The following NFATC3 variants were observed in gnomAD, a reference collection of about 807,000 sequenced individuals.
The protein encoded by NFATC3 is nuclear factor of activated T cells 3.
In NFATC3, 46 loss-of-function variants were observed where a neutral mutation model predicts 98.6. The observed-to-expected ratio is 0.47, with a 90% CI of 0.37 to 0.60. The LOEUF (loss-of-function observed/expected upper bound fraction) is 0.60, where lower values mean the gene tolerates loss of function less well. NFATC3 is among the 20% of genes least tolerant of loss of function. The probability of loss-of-function intolerance (pLI) is 0.00; values close to 1 mark genes in which losing one functional copy is unlikely to be tolerated. For missense variants in NFATC3, 1,256 were observed against 1,295.5 expected (o/e 0.97, Z 0.47); for synonymous variants, 512 against 472.2 (o/e 1.08, Z -1.09).
chr16:68,086,834 C>A, intron 1 of NFATC3: 2 of 946,134 alleles, frequency 2.1e-6, no homozygotes, highest in Non-Finnish European at 2.5e-6. Context: ...TCTTCATATG[C>A]TAGATGTCTT....
In NFATC3 at chr16:68,174,482, A is replaced by C; in HGVS notation, c.1883A>C (p.Glu628Ala). 1.2e-6 allele frequency: 2 copies of C among 1,602,648 alleles called. No homozygotes were observed. The highest frequency in any genetic ancestry group is 2.7e-5 in the African/African-American group (2 of 74,710). Residue 628 changes from glutamate to alanine, a missense_variant, in exon 6 of 10, where the codon GAA (glutamate) becomes GCA (alanine). Glu to Ala is a moderately radical substitution (Grantham distance 107, BLOSUM62 -1). This residue lies in a region of NFATC3 where 636 missense variants were observed against 617.3 expected (regional missense o/e 1.03). Coordinates refer to ENST00000346183, the MANE Select transcript of NFATC3 (RefSeq NM_173165.3). ...MVVTGSNFLPESKIIFLEKGQ... is the reference protein window; with the variant it reads ...MVVTGSNFLPASKIIFLEKGQ... ...GTGACTGGATCTAATTTTCTTCCAG[A>C]ATCCAAAATCATTTTTCTTGAAAAA...
At chr16:68,146,308 T>C (rs1360401598) in intron 3 of NFATC3, among the ~76,000 whole-genome samples, 1 of 152,120 alleles carries the variant, frequency 6.6e-6, no homozygotes, top group Non-Finnish European at 1.5e-5. Context: ...GATGTGATTC[T>C]GTAATCCCAG....
intron 1 of NFATC3, among the ~76,000 whole-genome samples, chr16:68,102,724 G>C (rs1472174535): frequency 6.6e-6 from 1 of 152,122 alleles, no homozygotes; most frequent in African/African-American, 2.4e-5. Context: ...AAATGTAATT[G>C]CTTGTCATAT....
chr16:68,117,340 A>G (rs2036331780), intron 1 of NFATC3, among the ~76,000 whole-genome samples: 1 of 152,198 alleles, frequency 6.6e-6, no homozygotes. Flanking sequence ...CTAAATTTAT[A>G]TCAGATCATA....
chr16:68,142,652 G>T (rs527805009), intron 3 of NFATC3, among the ~76,000 whole-genome samples: 1 of 151,960 alleles, frequency 6.6e-6, no homozygotes, highest in Admixed American at 6.6e-5. Flanking sequence ...CAGCTACTTG[G>T]GAGGCTGAGG....
At chr16:68,211,770 C>T (rs2151159920) in intron 9 of NFATC3, among the ~76,000 whole-genome samples, 1 of 151,876 alleles carries the variant, frequency 6.6e-6, no homozygotes, top group East Asian at 1.9e-4. Context: ...GATCTACCCG[C>T]CTTGGCCTCC....
rs191072628 is a variant in NFATC3 at position 68,089,233 on chromosome 16, G to C, written c.103+3449G>C. ...TGGATAGAGAGTGAGGACAAGCCAA[G>C]GGCTGAATTTAGTGAATGTCCTAAG... is the stretch of plus-strand genomic sequence containing the variant. On this transcript the variant is annotated intron_variant, in intron 1 of 9. Coordinates refer to ENST00000346183, the MANE Select transcript of NFATC3 (RefSeq NM_173165.3). 5.2e-5 allele frequency: 51 copies of C among 985,416 alleles called. No homozygotes were observed. In the Admixed American group the frequency reaches 8.6e-4, roughly 17 times the overall value. The allele number at this position is 985,416 out of a possible 1,614,324, so 61.0% of individuals were successfully genotyped here. A position where few individuals can be genotyped will look rare whatever the true frequency, so the allele number is the denominator to read the frequency against.
intron 2 of NFATC3, among the ~76,000 whole-genome samples, chr16:68,123,439 T>A (rs2036654974): frequency 6.6e-6 from 1 of 150,810 alleles, no homozygotes; most frequent in Non-Finnish European, 1.5e-5. Context: ...GGCAGGAGGA[T>A]TGCTTGAGCC....
chr16:68,158,127 A>G lies in NFATC3; in HGVS notation c.1601+59A>G, dbSNP rs975785498. ...TTTTTTCTCTATACTTTCAGAAAAA[A>G]AGTAAATATATTTTTGAATATAAAT... is the stretch of plus-strand genomic sequence containing the variant. On this transcript the variant is annotated intron_variant, in intron 4 of 9. Coordinates refer to ENST00000346183, the MANE Select transcript of NFATC3 (RefSeq NM_173165.3). 57 of 1,061,204 alleles carry G rather than the reference A, an allele frequency of 5.4e-5. No homozygotes were observed. The Middle Eastern group carries it at 1.5e-3, about 28-fold the overall frequency. The allele number at this position is 1,061,204 out of a possible 1,614,324, so 65.7% of individuals were successfully genotyped here. A position where few individuals can be genotyped will look rare whatever the true frequency, so the allele number is the denominator to read the frequency against.
intron 9 of NFATC3, chr16:68,221,381 TA>T: frequency 1.3e-6 from 2 of 1,537,630 alleles, no homozygotes. Flanking sequence ...AAGTTATTGC[TA>T]AAGGTCTGTG....
chr16:68,214,465 G>A lies in NFATC3; in HGVS notation c.3107-11885G>A, dbSNP rs2041551997. 6 of 1,589,606 alleles carry A rather than the reference G, an allele frequency of 3.8e-6. No homozygotes were observed. In the South Asian group the frequency reaches 6.6e-5, roughly 18 times the overall value. On this transcript the variant is annotated intron_variant, in intron 9 of 9. Transcript: ENST00000346183. ...TTGATTGAAATGTGTCATTGTTTTT[G>A]TGCCCAAGTCTGGTATTTGCATGCA... is the stretch of plus-strand genomic sequence containing the variant.
At position 68,212,120 on chromosome 16, in the gene NFATC3, A is replaced by G. The variant is rs183711423; in HGVS notation, c.3107-14230A>G. On this transcript the variant is annotated intron_variant, in intron 9 of 9. Transcript: ENST00000346183. ...GAGGATTCAGTTGTGGAGATTGGGA[A>G]CCCCCAGAAAGAGTATTTTGATATT... Among the ~76,000 whole-genome samples the G allele has an allele frequency of 3.3e-5, 5 of 152,230 alleles. No homozygotes were observed. In the East Asian group the frequency reaches 9.6e-4, roughly 29 times the overall value.
At chr16:68,172,217 A>G (rs954542736) in intron 5 of NFATC3, among the ~76,000 whole-genome samples, 3 of 152,164 alleles carry the variant, frequency 2.0e-5, no homozygotes, top group Non-Finnish European at 2.9e-5. Context: ...TTTTGTGGCT[A>G]GGTATTAAGT....
intron 1 of NFATC3, among the ~76,000 whole-genome samples, chr16:68,119,424 C>A (rs2036457855): frequency 6.6e-6 from 1 of 152,074 alleles, no homozygotes; most frequent in East Asian, 1.9e-4. Context: ...TTAGAATGCT[C>A]CAGTGGTTTC....
rs372322282 is a variant in NFATC3, at chr16:68,191,425, A to T, written c.2756A>T (p.His919Leu). Residue 919 changes from histidine (H) to leucine (L), a missense_variant, in exon 9 of 10, where the codon CAT (histidine) becomes CTT (leucine). His to Leu is a moderately conservative substitution (Grantham distance 99). Coordinates refer to ENST00000346183, the MANE Select transcript of NFATC3 (RefSeq NM_173165.3). Reference protein sequence around the residue: ...QLQPITYGPSHSGSATTASPA... With the variant: ...QLQPITYGPSLSGSATTASPA... ...CAACCTATTACATATGGTCCTTCAC[A>T]TTCAGGGTCTGCTACAACAGCTTCC... is the stretch of plus-strand genomic sequence containing the variant. 121 of 1,613,992 alleles carry T rather than the reference A, an allele frequency of 7.5e-5. No individual in the cohort carries two copies. Among genetic ancestry groups the T allele is most frequent in the Non-Finnish European group, 9.9e-5 (117 of 1,180,024 alleles).
At position 68,183,369 on chromosome 16, in the gene NFATC3, A is replaced by G. The variant is rs2040024772; in HGVS notation, c.2098+3A>G. 3.7e-6 allele frequency: 6 copies of G among 1,611,420 alleles called. No homozygotes were observed. Among genetic ancestry groups the G allele is most frequent in the Non-Finnish European group, 5.1e-6 (6 of 1,179,922 alleles). ...TCAACGTTTTACTTATACACCAGGT[A>G]CGAGGAGTCATGATGGTTTACTATA... On this transcript the variant is annotated splice_donor_region_variant and intron_variant, in intron 8 of 9. Coordinates refer to ENST00000346183, the MANE Select transcript of NFATC3 (RefSeq NM_173165.3).
chr16:68,092,754 C>T (rs1471127993), intron 1 of NFATC3, among the ~76,000 whole-genome samples: 1 of 152,112 alleles, frequency 6.6e-6, no homozygotes, highest in Non-Finnish European at 1.5e-5. Flanking sequence ...GTTAGTGCAT[C>T]GAGTTGTTCT....
chr16:68,123,570 G>A (rs1245371707), intron 2 of NFATC3, among the ~76,000 whole-genome samples: 1 of 151,730 alleles, frequency 6.6e-6, no homozygotes, highest in African/African-American at 2.4e-5. Context: ...GGAGGCTGAG[G>A]TGGAAGGATT....
chr16:68,108,941 G>T (rs879079399), intron 1 of NFATC3, among the ~76,000 whole-genome samples: 4 of 152,180 alleles, frequency 2.6e-5, no homozygotes, highest in Non-Finnish European at 5.9e-5. Flanking sequence ...CTGAGACTTT[G>T]CTGAAGTTGC....
Sources: gnomAD v4.1 joint callset for allele counts (sites outside exome capture counted in the v4.1 genomes callset) on GRCh38, gnomAD v4.1.1 for gene constraint, gnomAD v4.1.1 regional missense constraint, MANE v1.5 for transcripts, NCBI Gene and HGNC (gene_info 2026-07-23, HGNC 2026-07-21) for gene names.